The following PITPNC1 variants were observed in gnomAD, a reference collection of about 807,000 sequenced individuals.
PITPNC1 encodes the protein cytoplasmic phosphatidylinositol transfer protein 1.
PITPNC1 carries 18 observed loss-of-function variants against 44.7 expected under a neutral mutation model. The observed-to-expected ratio is 0.40, with a 90% CI of 0.28 to 0.60. PITPNC1 has a LOEUF of 0.60. Among genes scored for constraint, PITPNC1 ranks in the 20% least tolerant of loss-of-function variants. The probability of loss-of-function intolerance (pLI) is 0.39; values close to 1 mark genes in which losing one functional copy is unlikely to be tolerated. For synonymous variants in PITPNC1, 141 were observed against 149.6 expected, an observed-to-expected ratio of 0.94 and a Z score of 0.42; for missense variants, 290 against 418.4, an observed-to-expected ratio of 0.69 and a Z score of 2.68.
chr17:67,578,085 G>A (rs1421871258), intron 4 of PITPNC1, 101 bp from the exon 5 acceptor site: 3 of 800,494 alleles, frequency 3.7e-6, no homozygotes, highest in Non-Finnish European at 6.5e-6. Flanking sequence ...TTCCGGGACG[G>A]TGCTTGCAAC....
chr17:67,498,322 G>T (rs944493015), intron 1 of PITPNC1, among the ~76,000 whole-genome samples: 3 of 152,160 alleles, frequency 2.0e-5, no homozygotes, highest in African/African-American at 7.2e-5. Context: ...GGCCGGACAT[G>T]GTGGCTCAGG....
intron 1 of PITPNC1, among the ~76,000 whole-genome samples, chr17:67,477,241 C>CTTT (rs3052411): frequency 5.2e-5 from 5 of 97,022 alleles, no homozygotes; most frequent in Non-Finnish European, 5.9e-5. Context: ...ACACCCAGCT[C>CTTT]TTTTTTTTTT....
At chr17:67,626,996 G>A (rs553403039) in intron 5 of PITPNC1, among the ~76,000 whole-genome samples, 17 of 152,022 alleles carry the variant, frequency 1.1e-4, no homozygotes, top group Admixed American at 2.0e-4. Flanking sequence ...ATTAAAACTC[G>A]CCTGTAATCC....
chr17:67,525,215 C>CAGAACAGATCT (rs1471924141), intron 1 of PITPNC1: 1 of 152,156 alleles, frequency 6.6e-6, no homozygotes, highest in Non-Finnish European at 1.5e-5. Context: ...TGGTCCTGGG[C>CAGAACAGATCT]AGAACAGATC....
intron 1 of PITPNC1, among the ~76,000 whole-genome samples, chr17:67,494,561 A>AAAT (rs1166662517): frequency 4.6e-5 from 7 of 152,138 alleles, no homozygotes; most frequent in Admixed American, 1.3e-4. Context: ...TCAATGAACT[A>AAAT]AATCCCCAGT....
intron 6 of PITPNC1, among the ~76,000 whole-genome samples, chr17:67,640,539 G>A (rs553910466): frequency 8.6e-5 from 13 of 151,940 alleles, no homozygotes; most frequent in African/African-American, 2.2e-4. Context: ...AATTAGCCAC[G>A]TATGGTGGCG....
At chr17:67,565,112 G>A (rs2040957430) in intron 4 of PITPNC1, among the ~76,000 whole-genome samples, 1 of 151,832 alleles carries the variant, frequency 6.6e-6, no homozygotes, top group Non-Finnish European at 1.5e-5. Flanking sequence ...GTTTTTCAGT[G>A]TGTATACTAG....
chr17:67,463,443 G>C (rs561870074), intron 1 of PITPNC1, among the ~76,000 whole-genome samples: 4 of 152,260 alleles, frequency 2.6e-5, no homozygotes, highest in African/African-American at 9.6e-5. Context: ...AGTGAAACAG[G>C]ATGTCATCTC....
intron 5 of PITPNC1, among the ~76,000 whole-genome samples, chr17:67,586,207 G>A (rs1200600274): frequency 6.6e-6 from 1 of 152,148 alleles, no homozygotes; most frequent in Non-Finnish European, 1.5e-5. Flanking sequence ...AGTGCAGTGG[G>A]AACTTATTCA....
At chr17:67,501,349 T>C (rs1308496937) in intron 1 of PITPNC1, among the ~76,000 whole-genome samples, 1 of 152,198 alleles carries the variant, frequency 6.6e-6, no homozygotes, top group Non-Finnish European at 1.5e-5. Context: ...CTCCGGGTTA[T>C]ATGACATCTC....
chr17:67,496,397 A>G (rs1248656183), intron 1 of PITPNC1, among the ~76,000 whole-genome samples: 1 of 152,308 alleles, frequency 6.6e-6, no homozygotes, highest in Admixed American at 6.5e-5. Flanking sequence ...AACTAGTTCC[A>G]AGAGGCATTT....
At chr17:67,593,341 CAAAAT>C (rs2041417494) in intron 5 of PITPNC1, among the ~76,000 whole-genome samples, 1 of 150,022 alleles carries the variant, frequency 6.7e-6, no homozygotes, top group Non-Finnish European at 1.5e-5. Context: ...TCAAATATGA[CAAAAT>C]AATTACATAT....
chr17:67,481,402 C>T (rs919894175), intron 1 of PITPNC1, among the ~76,000 whole-genome samples: 3 of 152,236 alleles, frequency 2.0e-5, no homozygotes, highest in Admixed American at 1.3e-4. Flanking sequence ...GGAACAAAAT[C>T]CTTACAGGCA....
At chr17:67,427,193 T>C (rs537827511) in intron 1 of PITPNC1, among the ~76,000 whole-genome samples, 123 of 152,226 alleles carry the variant, frequency 8.1e-4, no homozygotes, top group Middle Eastern at 6.8e-3. Context: ...TTTCCCACAA[T>C]GTATACTTTC....
At chr17:67,402,974 G>GT (rs2038341826) in intron 1 of PITPNC1, among the ~76,000 whole-genome samples, 1 of 152,058 alleles carries the variant, frequency 6.6e-6, no homozygotes, top group Non-Finnish European at 1.5e-5. Flanking sequence ...GCCTGACCAC[G>GT]TTTTTGATTC....
chr17:67,488,073 G>C (rs2039807893), intron 1 of PITPNC1, among the ~76,000 whole-genome samples: 1 of 152,200 alleles, frequency 6.6e-6, no homozygotes, highest in Admixed American at 6.5e-5. Context: ...CCTTGCTGAA[G>C]TTTTTCTTTG....
At chr17:67,567,471 G>A (rs1013588329) in intron 4 of PITPNC1, among the ~76,000 whole-genome samples, 2 of 151,732 alleles carry the variant, frequency 1.3e-5, no homozygotes, top group African/African-American at 4.8e-5. Flanking sequence ...GCGACAGAGT[G>A]AGACTCCATC....
At chr17:67,457,443 G>T (rs1230350023) in intron 1 of PITPNC1, 1 of 152,328 alleles carries the variant, frequency 6.6e-6, no homozygotes, top group Non-Finnish European at 1.5e-5. Context: ...CTGGAGTGCA[G>T]TGGTGCAATC....
intron 1 of PITPNC1, among the ~76,000 whole-genome samples, chr17:67,451,631 T>C (rs1409760614): frequency 6.8e-6 from 1 of 146,986 alleles, no homozygotes; most frequent in Non-Finnish European, 1.5e-5. Context: ...AGACTGACCT[T>C]TTTTTTTTTT....
Sources: allele counts gnomAD v4.1 joint callset (sites outside exome capture counted in the v4.1 genomes callset), GRCh38; gene constraint gnomAD v4.1.1; transcripts MANE v1.5; gene names NCBI Gene and HGNC (gene_info 2026-07-23, HGNC 2026-07-21).